The following IQCM variants were observed in gnomAD, a reference collection of about 807,000 sequenced individuals.
IQCM encodes IQ motif containing M, also known as IQ domain-containing protein M.
IQCM carries 45 observed loss-of-function variants against 57.6 expected under a neutral mutation model. That is an observed-to-expected ratio of 0.78 (90% CI 0.62 to 1.00). The LOEUF (loss-of-function observed/expected upper bound fraction) is 1.00, where lower values mean the gene tolerates loss of function less well. Ranked by LOEUF, IQCM falls within the 50% of genes least tolerant of loss-of-function variation. The pLI is 0.00. For missense variants in IQCM, 468 were observed against 511.6 expected (o/e 0.91, Z 0.82); for synonymous variants, 148 against 158.9 (o/e 0.93, Z 0.51).
At chr4:149,643,788 C>T (rs779461723) in intron 7 of IQCM, among the ~76,000 whole-genome samples, 5 of 152,148 alleles carry the variant, frequency 3.3e-5, no homozygotes, top group Non-Finnish European at 7.4e-5. Flanking sequence ...TGGCCTTTTC[C>T]TAGATGCTAT....
At chr4:149,541,358 T>G (rs1747828586) in intron 12 of IQCM, among the ~76,000 whole-genome samples, 4 of 152,128 alleles carry the variant, frequency 2.6e-5, no homozygotes, top group Admixed American at 1.3e-4. Flanking sequence ...TTTAAGATTT[T>G]TGTCTAGGGC....
intron 13 of IQCM, among the ~76,000 whole-genome samples, chr4:149,405,861 T>C (rs1457824414): frequency 3.7e-5 from 5 of 136,542 alleles, no homozygotes; most frequent in Admixed American, 7.8e-5. Context: ...GCTCCAGATA[T>C]ATCTCTCTCC....
At chr4:149,529,672 C>T (rs185293126) in intron 12 of IQCM, among the ~76,000 whole-genome samples, 28 of 152,242 alleles carry the variant, frequency 1.8e-4, no homozygotes, top group African/African-American at 6.7e-4. Context: ...ATAAAATGCT[C>T]CTCTTGAGAG....
chr4:149,352,558 A>G (rs544080654), intron 13 of IQCM, among the ~76,000 whole-genome samples: 1 of 152,304 alleles, frequency 6.6e-6, no homozygotes, highest in East Asian at 1.9e-4. Context: ...TTATATGCAA[A>G]TACTACCCCA....
chr4:149,484,051 G>A (rs935171562), intron 12 of IQCM, among the ~76,000 whole-genome samples: 24 of 151,760 alleles, frequency 1.6e-4, no homozygotes, highest in African/African-American at 5.8e-4. Context: ...TACAGTTTTT[G>A]TCTTGAAATT....
Position 149,569,911 on chromosome 4 carries a change from T to C in IQCM, c.750-6021A>G, listed in dbSNP as rs998421710. Among the ~76,000 whole-genome samples, 10 of 152,116 alleles carry C rather than the reference T, an allele frequency of 6.6e-5. No homozygotes were observed. The East Asian group carries it at 1.7e-3, about 26-fold the overall frequency. On this transcript the variant is annotated intron_variant, in intron 9 of 13. Transcript: ENST00000636793. Reference sequence around the variant, plus strand: ...TTCATATTTATTTTCTAATAAAATATGAGAAAGCTTTTTCTTTGAATCAAT... The same window carrying C: ...TTCATATTTATTTTCTAATAAAATACGAGAAAGCTTTTTCTTTGAATCAAT...
chr4:149,447,415 A>G (rs903847749), intron 12 of IQCM, among the ~76,000 whole-genome samples: 1 of 151,688 alleles, frequency 6.6e-6, no homozygotes, highest in South Asian at 2.1e-4. Context: ...TATTATAACT[A>G]TATTCCACAT....
intron 13 of IQCM, among the ~76,000 whole-genome samples, chr4:149,378,384 T>C (rs1730839277): frequency 6.6e-6 from 1 of 152,096 alleles, no homozygotes. Context: ...CCCTAGAGAC[T>C]TGTTGAATGG....
chr4:149,412,895 G>T (rs909902343), intron 13 of IQCM, among the ~76,000 whole-genome samples: 4 of 152,122 alleles, frequency 2.6e-5, no homozygotes, highest in African/African-American at 4.8e-5. Context: ...AAGTTAAAAA[G>T]TTCAGAGTGG....
intron 13 of IQCM, among the ~76,000 whole-genome samples, chr4:149,379,029 G>T (rs1219474536): frequency 6.6e-6 from 1 of 152,194 alleles, no homozygotes; most frequent in Non-Finnish European, 1.5e-5. Flanking sequence ...TTCAGAGGGT[G>T]CAAGTCCCAA....
At chr4:149,460,712 C>A (rs983795976) in intron 12 of IQCM, among the ~76,000 whole-genome samples, 1 of 152,046 alleles carries the variant, frequency 6.6e-6, no homozygotes, top group African/African-American at 2.4e-5. Context: ...TCAAATGATA[C>A]AACGTATGAA....
chr4:149,556,751 T>G (rs988735102), intron 10 of IQCM, among the ~76,000 whole-genome samples: 3 of 152,306 alleles, frequency 2.0e-5, no homozygotes, highest in African/African-American at 7.2e-5. Context: ...GTGTGAATCT[T>G]ATATTCACTT....
Position 149,632,684 on chromosome 4 carries a change from C to T in IQCM, c.566-11440G>A, listed in dbSNP as rs150643293. Among the ~76,000 whole-genome samples, 831 of 152,244 alleles carry T rather than the reference C, an allele frequency of 5.5e-3. 10 individuals are homozygous for T. The highest frequency in any genetic ancestry group is 0.019 in the African/African-American group (789 of 41,548). Reference sequence around the variant, plus strand: ...TTCATTCCAAATGTGTCACTCTATTCTTTACTACTCTCCTAGTCAGGGCTG... The same window carrying T: ...TTCATTCCAAATGTGTCACTCTATTTTTTACTACTCTCCTAGTCAGGGCTG... On this transcript the variant is annotated intron_variant, in intron 7 of 13. Transcript: ENST00000636793.
intron 7 of IQCM, among the ~76,000 whole-genome samples, chr4:149,659,660 C>A (rs545029502): frequency 2.0e-5 from 3 of 151,986 alleles, no homozygotes; most frequent in African/African-American, 4.8e-5. Flanking sequence ...AGAACAGAGC[C>A]CTCAGAAATA....
At chr4:149,682,935 T>C (rs998042821) in intron 6 of IQCM, among the ~76,000 whole-genome samples, 2 of 151,168 alleles carry the variant, frequency 1.3e-5, no homozygotes, top group Non-Finnish European at 3.0e-5. Flanking sequence ...TACTATTTTA[T>C]ACTGATTCCA....
chr4:149,754,430 C>G (rs1350077582), intron 2 of IQCM, among the ~76,000 whole-genome samples: 3 of 152,212 alleles, frequency 2.0e-5, no homozygotes, highest in African/African-American at 7.2e-5. Flanking sequence ...CACTAATTAA[C>G]AAACATCTCT....
chr4:149,374,081 T>C (rs1488653811), intron 13 of IQCM, among the ~76,000 whole-genome samples: 1 of 152,124 alleles, frequency 6.6e-6, no homozygotes, highest in Non-Finnish European at 1.5e-5. Context: ...TGATTTCACA[T>C]CCTGATTTTG....
intron 12 of IQCM, among the ~76,000 whole-genome samples, chr4:149,540,407 A>G (rs1419336647): frequency 6.6e-6 from 1 of 151,538 alleles, no homozygotes; most frequent in Non-Finnish European, 1.5e-5. Flanking sequence ...CAGACAATAG[A>G]CTTCATATTG....
At chr4:149,631,736 C>T (rs1285377795) in intron 7 of IQCM, among the ~76,000 whole-genome samples, 4 of 152,034 alleles carry the variant, frequency 2.6e-5, no homozygotes, top group African/African-American at 4.8e-5. Flanking sequence ...GTTCATGAAA[C>T]CTTAAATACC....
Sources: gnomAD v4.1 joint callset for allele counts (sites outside exome capture counted in the v4.1 genomes callset) on GRCh38, gnomAD v4.1.1 for gene constraint, MANE v1.5 for transcripts, NCBI Gene and HGNC (gene_info 2026-07-23, HGNC 2026-07-21) for gene names.